The following CACNB4 variants were observed in gnomAD, a reference collection of about 807,000 sequenced individuals.
The protein encoded by CACNB4 is calcium voltage-gated channel auxiliary subunit beta 4.
In CACNB4, 32 loss-of-function variants were observed where a neutral mutation model predicts 71.2. That is an observed-to-expected ratio of 0.45 (90% CI 0.34 to 0.60). The LOEUF (loss-of-function observed/expected upper bound fraction) is 0.60, where lower values mean the gene tolerates loss of function less well. CACNB4 is among the 20% of genes least tolerant of loss of function. The pLI is 0.01. For missense variants in CACNB4, 464 were observed against 647.9 expected (o/e 0.72, Z 3.08); for synonymous variants, 231 against 236.9 (o/e 0.97, Z 0.23).
At chr2:152,049,194 T>C (rs1685292284) in intron 2 of CACNB4, among the ~76,000 whole-genome samples, 1 of 151,868 alleles carries the variant, frequency 6.6e-6, no homozygotes, top group Non-Finnish European at 1.5e-5. Context: ...GTTTTGAGTC[T>C]CACTCTGTTG....
chr2:152,008,278 C>T (rs1682847718), intron 2 of CACNB4, among the ~76,000 whole-genome samples: 1 of 151,654 alleles, frequency 6.6e-6, no homozygotes, highest in Non-Finnish European at 1.5e-5. Flanking sequence ...TACTCCCTTG[C>T]TTTGTTCAGT....
intron 2 of CACNB4, among the ~76,000 whole-genome samples, chr2:152,058,762 C>A (rs1455416193): frequency 6.6e-6 from 1 of 152,236 alleles, no homozygotes; most frequent in East Asian, 1.9e-4. Flanking sequence ...GTGTTAATAT[C>A]AACAGAATGT....
chr2:151,914,414 A>G (rs1446410501), intron 2 of CACNB4, among the ~76,000 whole-genome samples: 1 of 152,144 alleles, frequency 6.6e-6, no homozygotes, highest in Non-Finnish European at 1.5e-5. Context: ...GGGTTAGAAC[A>G]TGCTCCTTTA....
At chr2:151,964,069 G>GGAA in intron 2 of CACNB4, among the ~76,000 whole-genome samples, 1 of 99,238 alleles carries the variant, frequency 1.0e-5, no homozygotes. Flanking sequence ...CTGTCTCACA[G>GGAA]AAAAAAAAAA....
intron 2 of CACNB4, among the ~76,000 whole-genome samples, chr2:152,014,292 A>G (rs1356482810): frequency 6.6e-6 from 1 of 152,182 alleles, no homozygotes; most frequent in Non-Finnish European, 1.5e-5. Context: ...GATTGTAGTG[A>G]GCCAAGATCA....
chr2:151,924,223 C>T (rs1028314980), intron 2 of CACNB4, among the ~76,000 whole-genome samples: 2 of 151,202 alleles, frequency 1.3e-5, no homozygotes, highest in Non-Finnish European at 2.9e-5. Context: ...GGACTACAGG[C>T]GCCCACTACC....
At chr2:152,048,937 GAC>G (rs1685272951) in intron 2 of CACNB4, 1 of 152,234 alleles carries the variant, frequency 6.6e-6, no homozygotes, top group Non-Finnish European at 1.5e-5. Context: ...ACTCTCAGGT[GAC>G]TGTATGGTGT....
At chr2:151,965,391 A>T (rs1229960926) in intron 2 of CACNB4, among the ~76,000 whole-genome samples, 1 of 152,196 alleles carries the variant, frequency 6.6e-6, no homozygotes, top group Non-Finnish European at 1.5e-5. Context: ...TATTCCTTTT[A>T]AAAGTAATGA....
rs749343139 is a variant in CACNB4, at chr2:151,880,878, G to T, written c.312C>A (p.Cys104Ter). The T allele has an allele frequency of 6.2e-7, 1 of 1,613,330 alleles. No homozygotes were observed. Among genetic ancestry groups the T allele is most frequent in the Non-Finnish European group, 8.5e-7 (1 of 1,179,496 alleles). The change falls in exon 4 of 14, where the codon TGC (cysteine) becomes TGA (stop). Residue 104 changes from cysteine (C) to a stop codon, truncating the protein, a stop_gained. Coordinates refer to ENST00000539935, the MANE Select transcript of CACNB4 (RefSeq NM_000726.5). LOFTEE classifies it high-confidence loss of function. ...AFAVKTNVSY[C>*]GALDEDVPVP... ...CAGGCACATCCTCGTCCAGGGCGCC[G>T]CAGTAGCTCACATTTGTCTTCACGG...
chr2:152,064,674 C>T (rs1414572055), intron 2 of CACNB4, among the ~76,000 whole-genome samples: 3 of 152,318 alleles, frequency 2.0e-5, no homozygotes, highest in Non-Finnish European at 2.9e-5. Flanking sequence ...TGAGCCACCA[C>T]GCCCGGCCCT....
At chr2:152,069,972 AGCT>A (rs1220225338) in intron 2 of CACNB4, among the ~76,000 whole-genome samples, 1 of 150,526 alleles carries the variant, frequency 6.6e-6, no homozygotes. Flanking sequence ...CCTCCTGAGT[AGCT>A]GCGACTACAG....
intron 2 of CACNB4, among the ~76,000 whole-genome samples, chr2:152,053,285 AC>A (rs2105301366): frequency 6.6e-6 from 1 of 152,222 alleles, no homozygotes; most frequent in East Asian, 1.9e-4. Flanking sequence ...TCACTAATGG[AC>A]AGTGATGTAG....
chr2:151,860,136 T>A (rs988190157), intron 10 of CACNB4: 15 of 155,902 alleles, frequency 9.6e-5, no homozygotes, highest in Admixed American at 8.5e-4. Flanking sequence ...TTATGATCCA[T>A]CCTCCACAGC....
intron 2 of CACNB4, among the ~76,000 whole-genome samples, chr2:152,053,226 C>T (rs190927363): frequency 1.3e-5 from 2 of 152,284 alleles, no homozygotes; most frequent in Admixed American, 1.3e-4. Flanking sequence ...TAACTTTCAA[C>T]CTCACCCTCA....
intron 2 of CACNB4, among the ~76,000 whole-genome samples, chr2:151,924,761 T>C (rs2099859825): frequency 6.6e-6 from 1 of 152,208 alleles, no homozygotes; most frequent in Non-Finnish European, 1.5e-5. Flanking sequence ...CAGACTGGCA[T>C]TTTTTCAACA....
intron 2 of CACNB4, among the ~76,000 whole-genome samples, chr2:152,021,700 GA>G (rs1456298052): frequency 1.3e-5 from 2 of 152,172 alleles, no homozygotes; most frequent in Non-Finnish European, 2.9e-5. Flanking sequence ...AATACCATTA[GA>G]TTTAGACTTC....
intron 2 of CACNB4, among the ~76,000 whole-genome samples, chr2:151,923,493 C>G (rs1384233319): frequency 1.3e-5 from 2 of 152,208 alleles, no homozygotes; most frequent in African/African-American, 4.8e-5. Context: ...TAGCCCCTTG[C>G]TGAGCACATG....
chr2:151,990,721 G>C (rs904386879), intron 2 of CACNB4, among the ~76,000 whole-genome samples: 5 of 152,176 alleles, frequency 3.3e-5, no homozygotes, highest in Non-Finnish European at 5.9e-5. Context: ...ACTCTGACCA[G>C]AAGTCACAAT....
intron 2 of CACNB4, among the ~76,000 whole-genome samples, chr2:152,050,700 AG>A (rs1685380743): frequency 6.6e-6 from 1 of 152,074 alleles, no homozygotes; most frequent in African/African-American, 2.4e-5. Context: ...TGTGTGACAG[AG>A]CAAGACTCTG....
Sources: gnomAD v4.1 joint callset for allele counts (sites outside exome capture counted in the v4.1 genomes callset) on GRCh38, gnomAD v4.1.1 for gene constraint, MANE v1.5 for transcripts, NCBI Gene and HGNC (gene_info 2026-07-23, HGNC 2026-07-21) for gene names.